The following KCNT2 variants were observed in gnomAD, a reference collection of about 807,000 sequenced individuals.
KCNT2 encodes the protein potassium channel subfamily T member 2.
In KCNT2, 67 loss-of-function variants were observed where a neutral mutation model predicts 153.8. That is an observed-to-expected ratio of 0.44 (90% CI 0.36 to 0.53). The LOEUF (loss-of-function observed/expected upper bound fraction) is 0.53. Among genes scored for constraint, KCNT2 ranks in the 20% least tolerant of loss-of-function variants. The pLI, the probability that KCNT2 is intolerant of heterozygous loss-of-function variation, is 0.00. For synonymous variants in KCNT2, 500 were observed against 458.8 expected, an observed-to-expected ratio of 1.09 and a Z score of -1.15; for missense variants, 975 against 1,354.8, an observed-to-expected ratio of 0.72 and a Z score of 4.40.
At chr1:196,390,890 CTTTTT>C in intron 13 of KCNT2, among the ~76,000 whole-genome samples, 1 of 124,390 alleles carries the variant, frequency 8.0e-6, no homozygotes. Flanking sequence ...CTCATTCATT[CTTTTT>C]TTTTTTTTTT....
chr1:196,454,036 G>A (rs1019292407), intron 8 of KCNT2, among the ~76,000 whole-genome samples: 3 of 151,612 alleles, frequency 2.0e-5, no homozygotes, highest in African/African-American at 4.8e-5. Flanking sequence ...TTCTCAGATG[G>A]AATGTGTACT....
intron 16 of KCNT2, among the ~76,000 whole-genome samples, chr1:196,339,394 T>C (rs1572093312): frequency 6.6e-6 from 1 of 151,962 alleles, no homozygotes; most frequent in Non-Finnish European, 1.5e-5. Context: ...AGGACAACAA[T>C]AAAATTTAAA....
At chr1:196,366,302 G>A (rs1668039302) in intron 14 of KCNT2, among the ~76,000 whole-genome samples, 2 of 152,004 alleles carry the variant, frequency 1.3e-5, no homozygotes, top group South Asian at 4.2e-4. Context: ...TGGGATTACA[G>A]GCATGCACCA....
At chr1:196,256,437 A>C (rs1299160238) in intron 26 of KCNT2, among the ~76,000 whole-genome samples, 1 of 152,032 alleles carries the variant, frequency 6.6e-6, no homozygotes, top group Non-Finnish European at 1.5e-5. Flanking sequence ...AACAAAGGTA[A>C]TCTGAAAAAA....
intron 1 of KCNT2, among the ~76,000 whole-genome samples, chr1:196,595,257 GAATT>G (rs1285878788): frequency 2.6e-5 from 4 of 151,828 alleles, no homozygotes; most frequent in Admixed American, 1.3e-4. Flanking sequence ...TGATATTAAT[GAATT>G]AATTGATATT....
intron 26 of KCNT2, among the ~76,000 whole-genome samples, chr1:196,253,088 T>G (rs1656129007): frequency 6.6e-6 from 1 of 151,412 alleles, no homozygotes; most frequent in Admixed American, 6.6e-5. Context: ...GGTTCTTAAA[T>G]TTTAGGTAGA....
chr1:196,373,371 G>A (rs1668692001), intron 13 of KCNT2, 123 bp from the exon 14 acceptor site: 3 of 589,490 alleles, frequency 5.1e-6, no homozygotes, highest in Admixed American at 3.0e-5. Flanking sequence ...TTTTAGAGAT[G>A]TTTTTACAAG....
chr1:196,343,611 T>C (rs1665871185), intron 14 of KCNT2, among the ~76,000 whole-genome samples: 1 of 152,186 alleles, frequency 6.6e-6, no homozygotes, highest in Non-Finnish European at 1.5e-5. Flanking sequence ...TTTCAAATTG[T>C]CAATAAGCTT....
chr1:196,249,319 GAGAA>G (rs1206298300), intron 26 of KCNT2, among the ~76,000 whole-genome samples: 4 of 152,130 alleles, frequency 2.6e-5, no homozygotes, highest in Non-Finnish European at 4.4e-5. Context: ...AGGCAAGAGA[GAGAA>G]AGAAAGAAAG....
intron 13 of KCNT2, among the ~76,000 whole-genome samples, chr1:196,389,843 T>C (rs896993208): frequency 2.6e-5 from 4 of 151,656 alleles, no homozygotes; most frequent in Admixed American, 1.3e-4. Flanking sequence ...TCAGTCTTAC[T>C]AGCAAACTAT....
intron 13 of KCNT2, among the ~76,000 whole-genome samples, chr1:196,385,106 A>G (rs1340079271): frequency 6.6e-6 from 1 of 152,196 alleles, no homozygotes; most frequent in Non-Finnish European, 1.5e-5. Context: ...ATTTTATGAG[A>G]CAATTGAGCC....
intron 1 of KCNT2, among the ~76,000 whole-genome samples, chr1:196,508,189 C>CAAAAAAAAAAAAAAAAAAAAAAAATAAAA (rs10539910): frequency 1.7e-5 from 1 of 59,984 alleles, no homozygotes; most frequent in Non-Finnish European, 3.0e-5. Flanking sequence ...CCCTAAGTAG[C>CAAAAAAAAAAAAAAAAAAAAAAAATAAAA]AAAAAAAAAA....
At chr1:196,527,345 G>A (rs1432841013) in intron 1 of KCNT2, among the ~76,000 whole-genome samples, 2 of 152,022 alleles carry the variant, frequency 1.3e-5, no homozygotes, top group African/African-American at 4.8e-5. Context: ...TCCAATATAA[G>A]GTATTAGTAA....
chr1:196,608,270 T>G lies in KCNT2; in HGVS notation c.40A>C (p.Arg14=). 1 of 1,614,126 alleles carries G rather than the reference T, an allele frequency of 6.2e-7. No homozygotes were observed. ...AGCAGCAAATCTCGAAACCTGTACCTGGGAGGCAGAGGGGGCACTTCGCTC... is the reference window on the plus strand; with the variant it reads ...AGCAGCAAATCTCGAAACCTGTACCGGGGAGGCAGAGGGGGCACTTCGCTC... The part of the protein sequence containing the change: ...LESEVPPLPP[R]YRFRDLLLGD... The change falls in exon 1 of 28, where the codon AGG becomes CGG. Residue 14 remains arginine (R), a synonymous_variant. Coordinates refer to ENST00000294725, the MANE Select transcript of KCNT2 (RefSeq NM_198503.5).
At chr1:196,387,376 A>T (rs1365936008) in intron 13 of KCNT2, among the ~76,000 whole-genome samples, 2 of 151,966 alleles carry the variant, frequency 1.3e-5, no homozygotes, top group Non-Finnish European at 2.9e-5. Flanking sequence ...ATTCATTTAA[A>T]TATAACTAAC....
chr1:196,266,684 G>T (rs1657571583), intron 25 of KCNT2, among the ~76,000 whole-genome samples: 1 of 152,106 alleles, frequency 6.6e-6, no homozygotes, highest in Non-Finnish European at 1.5e-5. Context: ...AGTCACCACT[G>T]CTTCTCCTTT....
At chr1:196,274,077 A>AT (rs989511347) in intron 25 of KCNT2, among the ~76,000 whole-genome samples, 4 of 151,506 alleles carry the variant, frequency 2.6e-5, no homozygotes, top group East Asian at 1.9e-4. Context: ...AGTAAGATTG[A>AT]TTTTTTCTCC....
intron 25 of KCNT2, among the ~76,000 whole-genome samples, chr1:196,279,874 A>G (rs1369639417): frequency 6.6e-6 from 1 of 152,122 alleles, no homozygotes; most frequent in East Asian, 1.9e-4. Context: ...CGTTATCTTT[A>G]TGCTTTCTAT....
At chr1:196,241,626 C>G (rs895099892) in intron 26 of KCNT2, among the ~76,000 whole-genome samples, 1 of 151,972 alleles carries the variant, frequency 6.6e-6, no homozygotes, top group African/African-American at 2.4e-5. Flanking sequence ...CATTTGAACT[C>G]TCTTAATTTA....
Sources: gnomAD v4.1 joint callset for allele counts (sites outside exome capture counted in the v4.1 genomes callset) on GRCh38, gnomAD v4.1.1 for gene constraint, MANE v1.5 for transcripts, NCBI Gene and HGNC (gene_info 2026-07-23, HGNC 2026-07-21) for gene names.